CCAR2: variants seen among roughly 807,000 people sequenced by gnomAD.
The protein encoded by CCAR2 is cell cycle and apoptosis regulator protein 2.
A neutral mutation model predicts 108.1 loss-of-function variants in CCAR2; 21 were observed. The observed-to-expected ratio is 0.19, with a 90% confidence interval of 0.14 to 0.28. The LOEUF is 0.28. Ranked by LOEUF, CCAR2 falls within the 10% of genes least tolerant of loss-of-function variation. CCAR2 has a pLI of 1.00. For synonymous variants in CCAR2, 577 were observed against 472.8 expected, an observed-to-expected ratio of 1.22 and a Z score of -2.86; for missense variants, 1,126 against 1,177.0, an observed-to-expected ratio of 0.96 and a Z score of 0.63.
At chr8:22,609,570 T>G (rs1801203006) in intron 7 of CCAR2, among the ~76,000 whole-genome samples, 2 of 152,226 alleles carry the variant, frequency 1.3e-5, no homozygotes, top group African/African-American at 4.8e-5. Flanking sequence ...TATAAATATA[T>G]CCAGTCGCTG....
chr8:22,620,060 C>T lies in CCAR2; in HGVS notation c.*378C>T. 4.2e-6 allele frequency: 1 copy of T among 239,726 alleles called. No homozygotes were observed. The highest frequency in any genetic ancestry group is 8.4e-6 in the Non-Finnish European group (1 of 119,206). 14.8% of individuals were successfully genotyped at this position (239,726 alleles called of 1,614,324 possible). A position where few individuals can be genotyped will look rare whatever the true frequency, so the allele number is the denominator to read the frequency against. The stretch of plus-strand genomic sequence containing the variant: ...TCGAGTGTGGGACAAGGTCTGATGT[C>T]AGTGAACGGAACTGAAGAGCAAGAC... On this transcript the variant is annotated 3_prime_UTR_variant, in exon 21 of 21. Transcript: ENST00000308511.
intron 2 of CCAR2, 23 bp downstream of exon 2, chr8:22,605,854 G>A: frequency 6.2e-7 from 1 of 1,609,838 alleles, no homozygotes; most frequent in Non-Finnish European, 8.5e-7. Context: ...CTCCCTACCT[G>A]GCCTCATCCT....
chr8:22,616,056 T>C lies in CCAR2; in HGVS notation c.1653T>C (p.Asp551=), dbSNP rs889706022. ...AELFLEMLQR[D]FGYRVYKMLL... ...TGTTTCTGGAGATGCTCCAGAGGGA[T>C]TTTGGCTATAGAGTTTATAAGATGC... is the stretch of plus-strand genomic sequence containing the variant. The change falls in exon 14 of 21, where the codon GAT becomes GAC. Residue 551 remains aspartate (D), a synonymous_variant. Coordinates refer to ENST00000308511, the MANE Select transcript of CCAR2 (RefSeq NM_001393997.1). 1.2e-6 allele frequency: 2 copies of C among 1,613,820 alleles called. No individual in the cohort carries two copies. Among genetic ancestry groups the C allele is most frequent in the Non-Finnish European group, 1.7e-6 (2 of 1,179,964 alleles).
Position 22,619,816 on chromosome 8 carries a change from T to A in CCAR2, c.*134T>A. 1.1e-6 allele frequency: 1 copy of A among 914,078 alleles called. No homozygotes were observed. 56.6% of individuals were successfully genotyped at this position (914,078 alleles called of 1,614,324 possible). A position where few individuals can be genotyped will look rare whatever the true frequency, so the allele number is the denominator to read the frequency against. ...GGGGTGGCTGACCCCATGCTCAGCC[T>A]CTAGGGGACGGCAGGCCATCAGGCT... On this transcript the variant is annotated 3_prime_UTR_variant, in exon 21 of 21. Coordinates refer to ENST00000308511, the MANE Select transcript of CCAR2 (RefSeq NM_001393997.1).
rs1801648872 is a variant in CCAR2 at position 22,619,146 on chromosome 8, G to A, written c.2522-4G>A. ...CCGTCCCCGTTTCCTTCTCCACCTTGCAGAGGAGAGCCATAACCGTTTCTC... is the reference window on the plus strand; with the variant it reads ...CCGTCCCCGTTTCCTTCTCCACCTTACAGAGGAGAGCCATAACCGTTTCTC... On this transcript the variant is annotated splice_polypyrimidine_tract_variant and splice_region_variant and intron_variant, in intron 19 of 20. Transcript: ENST00000308511. The A allele has an allele frequency of 1.2e-6, 2 of 1,604,596 alleles. No individual in the cohort carries two copies. Among genetic ancestry groups the A allele is most frequent in the Non-Finnish European group, 1.7e-6 (2 of 1,175,618 alleles).
At chr8:22,605,641 T>C in intron 1 of CCAR2, 95 bp from the exon 2 acceptor site, 1 of 720,434 alleles carries the variant, frequency 1.4e-6, no homozygotes, top group Non-Finnish European at 2.4e-6. Context: ...ACCTCCCTGT[T>C]TTCCGAAATA....
At position 22,616,045 on chromosome 8, in the gene CCAR2, C is replaced by G; in HGVS notation, c.1642C>G (p.Leu548Val). 1 of 1,614,072 alleles carries G rather than the reference C, an allele frequency of 6.2e-7. No individual in the cohort carries two copies. The highest frequency in any genetic ancestry group is 8.5e-7 in the Non-Finnish European group (1 of 1,180,022). Residue 548 changes from leucine to valine, a missense_variant, in exon 14 of 21, where the codon CTC (leucine) becomes GTC (valine). Physicochemically the swap from Leu to Val is conservative, Grantham distance 32. This residue lies in a region of CCAR2 where 1,013 missense variants were observed against 993.9 expected (regional missense o/e 1.02). Transcript: ENST00000308511. ...GCTGGCCGAGCTGTTTCTGGAGATG[C>G]TCCAGAGGGATTTTGGCTATAGAGT... ...MVLAELFLEM[L>V]QRDFGYRVYK... is the part of the protein sequence containing the mutation.
In CCAR2 at chr8:22,617,664, C is replaced by T. The variant is rs1801578398; in HGVS notation, c.1991-32C>T. 3.1e-6 allele frequency: 5 copies of T among 1,613,932 alleles called. No homozygotes were observed. The South Asian group carries it at 5.5e-5, about 18-fold the overall frequency. Reference sequence around the variant, plus strand: ...TTTTGTACTGTGGAGTTGGGTGGGCCCTGCTCTCCATTTATCTTGGCCTTT... The same window carrying T: ...TTTTGTACTGTGGAGTTGGGTGGGCTCTGCTCTCCATTTATCTTGGCCTTT... On this transcript the variant is annotated intron_variant, in intron 15 of 20. Coordinates refer to ENST00000308511, the MANE Select transcript of CCAR2 (RefSeq NM_001393997.1).
chr8:22,616,213 A>G lies in CCAR2; in HGVS notation c.1810A>G (p.Asn604Asp). The change falls in exon 14 of 21, where the codon AAT becomes GAT. Residue 604 changes from asparagine to aspartate, a missense_variant. Coordinates refer to ENST00000308511, the MANE Select transcript of CCAR2 (RefSeq NM_001393997.1). ...CAAGGAGCCCAAGGATGAGGCACAG[A>G]ATGAGGGCCCGGCTACAGAGTCAGA... Reference protein sequence around the residue: ...VVKEPKDEAQNEGPATESEAP... With the variant: ...VVKEPKDEAQDEGPATESEAP... 2 of 1,613,414 alleles carry G rather than the reference A, an allele frequency of 1.2e-6. No homozygotes were observed. Among genetic ancestry groups the G allele is most frequent in the Non-Finnish European group, 8.5e-7 (1 of 1,179,990 alleles).
rs777718308 is a variant in CCAR2, at chr8:22,616,266, T to G, written c.1845+18T>G. On this transcript the variant is annotated intron_variant, in intron 14 of 20. Transcript: ENST00000308511. ...CCCCGCTGGTGAGTACCCTGCCACC[T>G]CGGGCTGTCATAGTGCTTACCGTGA... The G allele has an allele frequency of 1.9e-5, 31 of 1,607,992 alleles. No homozygotes were observed. The highest frequency in any genetic ancestry group is 2.6e-5 in the Non-Finnish European group (31 of 1,177,062).
intron 8 of CCAR2, among the ~76,000 whole-genome samples, chr8:22,613,638 C>G (rs1318508264): frequency 2.0e-5 from 3 of 152,214 alleles, no homozygotes; most frequent in African/African-American, 7.2e-5. Flanking sequence ...CGTGCCGTTG[C>G]CAACACTGTT....
Position 22,614,394 on chromosome 8 carries a change from T to C in CCAR2, c.932T>C (p.Leu311Pro). 6.2e-7 allele frequency: 1 copy of C among 1,614,206 alleles called. No individual in the cohort carries two copies. Among genetic ancestry groups the C allele is most frequent in the African/African-American group, 1.3e-5 (1 of 75,064 alleles). Residue 311 changes from leucine (L) to proline (P), a missense_variant, in exon 10 of 21, where the codon CTG becomes CCG. Around this residue, in one of 4 missense-constraint regions of CCAR2, gnomAD observed 1,013 missense variants for 993.9 expected, o/e 1.02. Coordinates refer to ENST00000308511, the MANE Select transcript of CCAR2 (RefSeq NM_001393997.1). Reference sequence around the variant, plus strand: ...TGAGTGTCTCCTCCTGCACAGGTACTGCTGCTCTCTTCCCCGGGGTTGGAG... The same window carrying C: ...TGAGTGTCTCCTCCTGCACAGGTACCGCTGCTCTCTTCCCCGGGGTTGGAG... ...DSDPAYSSKV[L>P]LLSSPGLEEL...
In CCAR2 at chr8:22,619,447, A is replaced by G. The variant is rs1801667488; in HGVS notation, c.2727+92A>G. 3 of 1,473,308 alleles carry G rather than the reference A, an allele frequency of 2.0e-6. No homozygotes were observed. The South Asian group carries it at 3.8e-5, about 18-fold the overall frequency. 91.3% of individuals were successfully genotyped at this position (1,473,308 alleles called of 1,614,324 possible). A position where few individuals can be genotyped will look rare whatever the true frequency, so the allele number is the denominator to read the frequency against. ...GCGCTTGCCCGTGTCGGGAGTGACC[A>G]GAGGGCCAGCAGGCACCGGCTTCGT... On this transcript the variant is annotated intron_variant, in intron 20 of 20. Transcript: ENST00000308511.
At chr8:22,606,353 A>G (rs1801078620) in intron 3 of CCAR2, among the ~76,000 whole-genome samples, 177 bp downstream of exon 3, 1 of 152,194 alleles carries the variant, frequency 6.6e-6, no homozygotes, top group Non-Finnish European at 1.5e-5. Flanking sequence ...TTCTCGCTCC[A>G]GGGAAATCTT....
At chr8:22,617,298 A>G (rs2117461352) in intron 14 of CCAR2, 122 bp from the exon 15 acceptor site, 3 of 1,086,608 alleles carry the variant, frequency 2.8e-6, no homozygotes, top group Non-Finnish European at 3.8e-6. Context: ...ATGAGACGGT[A>G]TCTGTAGAGC....
chr8:22,614,803 G>GT, intron 10 of CCAR2, 35 bp from the exon 11 acceptor site: 2 of 1,574,398 alleles, frequency 1.3e-6, no homozygotes, highest in Non-Finnish European at 1.7e-6. Context: ...AGGTAATGTA[G>GT]TTTTTTGTTT....
At chr8:22,609,793 G>T (rs748514208) in intron 7 of CCAR2, among the ~76,000 whole-genome samples, 1 of 152,136 alleles carries the variant, frequency 6.6e-6, no homozygotes, top group Non-Finnish European at 1.5e-5. Context: ...TTCTCTATCA[G>T]TTGCATTTGA....
chr8:22,619,210 T>C lies in CCAR2; in HGVS notation c.2582T>C (p.Met861Thr), dbSNP rs1380919002. Residue 861 changes from methionine to threonine, a missense_variant, in exon 20 of 21, where the codon ATG (methionine) becomes ACG (threonine). Physicochemically the swap from Met to Thr is moderately conservative, Grantham distance 81. Transcript: ENST00000308511. ...ACCAATAAGACGCTGGCGGCAGAGATGCAGGAGCTGCGAGTCCGGCTGGCG... is the reference window on the plus strand; with the variant it reads ...ACCAATAAGACGCTGGCGGCAGAGACGCAGGAGCTGCGAGTCCGGCTGGCG... ...EVTNKTLAAEMQELRVRLAEA... is the reference protein window; with the variant it reads ...EVTNKTLAAETQELRVRLAEA... 1 of 1,583,172 alleles carries C rather than the reference T, an allele frequency of 6.3e-7. No individual in the cohort carries two copies. The highest frequency in any genetic ancestry group is 1.3e-5 in the African/African-American group (1 of 74,690).
At chr8:22,607,568 A>G (rs1010605321) in intron 6 of CCAR2, among the ~76,000 whole-genome samples, 1 of 150,052 alleles carries the variant, frequency 6.7e-6, no homozygotes, top group South Asian at 2.1e-4. Flanking sequence ...CCTGGGTTCA[A>G]GCAATTCTCC....
Sources: gnomAD v4.1 joint callset for allele counts (sites outside exome capture counted in the v4.1 genomes callset) on GRCh38, gnomAD v4.1.1 for gene constraint, gnomAD v4.1.1 regional missense constraint, MANE v1.5 for transcripts, NCBI Gene and HGNC (gene_info 2026-07-23, HGNC 2026-07-21) for gene names.